PCDH11X: variants seen among roughly 807,000 people sequenced by gnomAD.
PCDH11X encodes protocadherin-11 X-linked.
Under a neutral mutation model 53.3 loss-of-function variants are expected in PCDH11X, and 18 were observed. That is an observed-to-expected ratio of 0.34 (90% CI 0.23 to 0.50). The LOEUF is 0.50. Among genes scored for constraint, PCDH11X ranks in the 20% least tolerant of loss-of-function variants. The probability of loss-of-function intolerance (pLI) is 0.98; values close to 1 mark genes in which losing one functional copy is unlikely to be tolerated. For missense variants in PCDH11X, 570 were observed against 1,032.4 expected, an observed-to-expected ratio of 0.55 and a Z score of 6.14; for synonymous variants, 279 against 393.3, an observed-to-expected ratio of 0.71 and a Z score of 3.44.
chrX:91,922,546 C>T (rs1165401396), intron 6 of PCDH11X, among the ~76,000 whole-genome samples: 3 of 111,868 alleles, frequency 2.7e-5, no homozygotes, highest in Non-Finnish European at 5.6e-5. Flanking sequence ...TATTTACAAC[C>T]ACTCTCCATG....
rs181143077 is a variant in PCDH11X, at chrX:92,176,064, A to C, written c.3034-25311A>C. On this transcript the variant is annotated intron_variant, in intron 6 of 10. Transcript: ENST00000682573. ...GATGTTTTTTAATGTCATCCTTTTC[A>C]CTACCAACCACTGCCTCATTAGGAG... Among the ~76,000 whole-genome samples the C allele has an allele frequency of 3.6e-5, 4 of 110,581 alleles. No homozygotes were observed. In the East Asian group the frequency reaches 1.1e-3, roughly 32 times the overall value.
At chrX:92,460,870 C>T in intron 9 of PCDH11X, 1 of 1,020,042 alleles carries the variant, frequency 9.8e-7, no homozygotes, top group Non-Finnish European at 1.4e-6. Flanking sequence ...TCCATGCAAA[C>T]CATCCAAAAG....
intron 6 of PCDH11X, among the ~76,000 whole-genome samples, chrX:92,061,050 T>C (rs1256644474): frequency 3.6e-5 from 4 of 112,156 alleles, no homozygotes; most frequent in Non-Finnish European, 5.6e-5. Context: ...TATCTCATTG[T>C]AGTTTTCATT....
At position 91,878,213 on chromosome X, in the gene PCDH11X, A is replaced by T; in HGVS notation, c.1973A>T (p.Lys658Ile). Residue 658 changes from lysine (K) to isoleucine (I), a missense_variant, in exon 6 of 11, where the codon AAA becomes ATA. Physicochemically the swap from Lys to Ile is moderately radical, Grantham distance 102 (BLOSUM62 -3). This residue lies in a region of PCDH11X where 226 missense variants were observed against 457.5 expected (regional missense o/e 0.49). Transcript: ENST00000682573. ...AGAGTATCACGTTCTTCAAGTGCCA[A>T]AGTAACCATAAATGTGGTTGATGTC... The part of the protein sequence containing the change: ...GGRVSRSSSA[K>I]VTINVVDVND... 8.3e-7 allele frequency: 1 copy of T among 1,209,735 alleles called. No individual in the cohort carries two copies. The highest frequency in any genetic ancestry group is 1.1e-6 in the Non-Finnish European group (1 of 894,733).
intron 6 of PCDH11X, among the ~76,000 whole-genome samples, chrX:92,130,650 CAA>C (rs34011848): frequency 0.28 from 17,533 of 62,835 alleles, 1,529 homozygotes; most frequent in East Asian, 0.47. Flanking sequence ...AACTCTGTCT[CAA>C]AAAAAAAAAA....
chrX:91,949,620 G>A (rs1219267766), intron 6 of PCDH11X, among the ~76,000 whole-genome samples: 2 of 109,914 alleles, frequency 1.8e-5, no homozygotes, highest in Non-Finnish European at 1.9e-5. Context: ...TAAATCACTC[G>A]GCTTCTAGCG....
At chrX:92,613,634 A>T (rs1927649713) in intron 10 of PCDH11X, among the ~76,000 whole-genome samples, 7 of 101,651 alleles carry the variant, frequency 6.9e-5, no homozygotes, top group Admixed American at 4.4e-4. Flanking sequence ...CTCATTTTGT[A>T]TTATATCTCT....
chrX:92,492,921 C>A (rs1187332867), intron 10 of PCDH11X, among the ~76,000 whole-genome samples: 1 of 111,645 alleles, frequency 9.0e-6, no homozygotes, highest in East Asian at 2.8e-4. Flanking sequence ...TACCACATAA[C>A]TGAATGACAG....
At chrX:92,031,468 T>C (rs967457160) in intron 6 of PCDH11X, among the ~76,000 whole-genome samples, 1 of 108,471 alleles carries the variant, frequency 9.2e-6, no homozygotes, top group African/African-American at 3.4e-5. Context: ...CTTTGCTGCA[T>C]AGAAGCTTTT....
chrX:92,503,958 C>A (rs2148698837), intron 10 of PCDH11X, among the ~76,000 whole-genome samples: 1 of 96,689 alleles, frequency 1.0e-5, no homozygotes, highest in African/African-American at 3.7e-5. Flanking sequence ...ACAGCTTTTC[C>A]ACAGTTTCAG....
chrX:92,472,370 C>CTTTT (rs750331340), intron 10 of PCDH11X, among the ~76,000 whole-genome samples: 41 of 52,500 alleles, frequency 7.8e-4, no homozygotes, highest in African/African-American at 9.1e-4. Context: ...TTCTTCAGAG[C>CTTTT]TTTTTTTTTT....
chrX:91,924,809 G>A (rs909523862), intron 6 of PCDH11X, among the ~76,000 whole-genome samples: 2 of 111,237 alleles, frequency 1.8e-5, no homozygotes, highest in African/African-American at 6.5e-5. Context: ...CAGTAATTGT[G>A]TATGTGTAGT....
chrX:92,006,876 T>C (rs1051541420), intron 6 of PCDH11X, among the ~76,000 whole-genome samples: 4 of 111,506 alleles, frequency 3.6e-5, no homozygotes, highest in African/African-American at 1.3e-4. Context: ...GCCTTTATGG[T>C]ATTAAACAAG....
intron 7 of PCDH11X, among the ~76,000 whole-genome samples, chrX:92,218,747 A>T (rs1446329657): frequency 1.8e-5 from 2 of 111,839 alleles, no homozygotes; most frequent in African/African-American, 6.5e-5. Context: ...ACAACCAAAA[A>T]AAAGAATTTT....
intron 10 of PCDH11X, among the ~76,000 whole-genome samples, chrX:92,505,152 C>CTTTTTTTTTTTTTTTTTTTTTT (rs58620449): frequency 1.1e-4 from 7 of 64,272 alleles, no homozygotes; most frequent in Non-Finnish European, 1.4e-4. Flanking sequence ...TTTCTTTTTT[C>CTTTTTTTTTTTTTTTTTTTTTT]TTTTTTTTTT....
chrX:92,318,788 A>G (rs2069135731), intron 8 of PCDH11X, among the ~76,000 whole-genome samples: 1 of 111,640 alleles, frequency 9.0e-6, no homozygotes, highest in African/African-American at 3.3e-5. Context: ...GTAAAGGCAA[A>G]CAATTCTGTA....
At chrX:92,092,587 G>A (rs1019539297) in intron 6 of PCDH11X, among the ~76,000 whole-genome samples, 1 of 111,233 alleles carries the variant, frequency 9.0e-6, no homozygotes, top group African/African-American at 3.3e-5. Flanking sequence ...GATGACTCCA[G>A]GGGAGAGAGC....
At chrX:92,286,797 A>G (rs2068384783) in intron 8 of PCDH11X, among the ~76,000 whole-genome samples, 1 of 89,850 alleles carries the variant, frequency 1.1e-5, no homozygotes, top group Non-Finnish European at 2.2e-5. Flanking sequence ...TATAATCTAT[A>G]AATATAGGTT....
intron 8 of PCDH11X, among the ~76,000 whole-genome samples, chrX:92,279,009 C>T (rs1246764711): frequency 9.1e-6 from 1 of 110,299 alleles, no homozygotes; most frequent in East Asian, 2.9e-4. Flanking sequence ...CAGGGTTTCT[C>T]CGTGTTGGTC....
Sources: allele counts gnomAD v4.1 joint callset (sites outside exome capture counted in the v4.1 genomes callset), GRCh38; gene constraint gnomAD v4.1.1; regional missense constraint gnomAD v4.1.1; transcripts MANE v1.5; gene names NCBI Gene and HGNC (gene_info 2026-07-23, HGNC 2026-07-21).